Variants in DNAJC15 observed in about 807,000 individuals in gnomAD.
DNAJC15 encodes dnaJ homolog subfamily C member 15.
A neutral mutation model predicts 22.4 loss-of-function variants in DNAJC15; 27 were observed. The observed-to-expected ratio is 1.20, with a 90% CI of 0.89 to 1.66. The LOEUF (loss-of-function observed/expected upper bound fraction) is 1.66, where lower values mean the gene tolerates loss of function less well. Among genes scored for constraint, DNAJC15 ranks in the 40% most tolerant of loss-of-function variants. DNAJC15 has a pLI of 0.00. For missense variants in DNAJC15, 208 were observed against 187.1 expected (o/e 1.11, Z -0.65); for synonymous variants, 79 against 63.2 (o/e 1.25, Z -1.19).
At chr13:43,047,664 T>A (rs922680992) in intron 1 of DNAJC15, among the ~76,000 whole-genome samples, 4 of 152,184 alleles carry the variant, frequency 2.6e-5, no homozygotes, top group African/African-American at 9.6e-5. Context: ...AATGTTGAAT[T>A]GGAGCCCAGG....
At chr13:43,057,312 T>G (rs1361597825) in intron 1 of DNAJC15, among the ~76,000 whole-genome samples, 4 of 152,170 alleles carry the variant, frequency 2.6e-5, no homozygotes, top group Non-Finnish European at 5.9e-5. Context: ...TTAAATTCTT[T>G]TTTGTCTTTG....
intron 3 of DNAJC15, among the ~76,000 whole-genome samples, chr13:43,073,346 C>A (rs1039757546): frequency 6.6e-6 from 1 of 152,186 alleles, no homozygotes; most frequent in African/African-American, 2.4e-5. Context: ...TACTCCTTGG[C>A]ATAGCTTCTC....
At chr13:43,083,190 C>T (rs779567336) in intron 4 of DNAJC15, among the ~76,000 whole-genome samples, 6 of 151,112 alleles carry the variant, frequency 4.0e-5, no homozygotes, top group African/African-American at 7.3e-5. Context: ...TTTTTTGAGA[C>T]GGAGTCTTGC....
At chr13:43,101,220 G>A (rs1206953430) in intron 5 of DNAJC15, among the ~76,000 whole-genome samples, 1 of 152,166 alleles carries the variant, frequency 6.6e-6, no homozygotes, top group East Asian at 1.9e-4. Context: ...TAGAAACAGG[G>A]TCTTGCTATA....
chr13:43,069,757 CGCTATTCT>C (rs1183950072), intron 3 of DNAJC15, among the ~76,000 whole-genome samples: 1 of 152,014 alleles, frequency 6.6e-6, no homozygotes, highest in East Asian at 1.9e-4. Flanking sequence ...GTTGATCATC[CGCTATTCT>C]GCTATTCTGA....
chr13:43,107,002 A>G (rs1384092783), intron 5 of DNAJC15, among the ~76,000 whole-genome samples, 176 bp from the exon 6 acceptor site: 1 of 151,922 alleles, frequency 6.6e-6, no homozygotes, highest in Non-Finnish European at 1.5e-5. Context: ...TAGTTGTAGG[A>G]CTTCACTAAT....
At chr13:43,091,514 A>G (rs992507775) in intron 5 of DNAJC15, among the ~76,000 whole-genome samples, 1 of 152,200 alleles carries the variant, frequency 6.6e-6, no homozygotes, top group Non-Finnish European at 1.5e-5. Context: ...ATTGTTACAA[A>G]TGGGTTCATA....
intron 1 of DNAJC15, among the ~76,000 whole-genome samples, chr13:43,029,175 G>C (rs952716966): frequency 3.3e-5 from 5 of 152,138 alleles, no homozygotes; most frequent in Non-Finnish European, 5.9e-5. Flanking sequence ...TGTCTCTCTT[G>C]CTCACTGCTT....
intron 5 of DNAJC15, among the ~76,000 whole-genome samples, chr13:43,102,530 C>CT (rs1298991303): frequency 1.3e-5 from 2 of 152,132 alleles, no homozygotes; most frequent in Non-Finnish European, 2.9e-5. Flanking sequence ...AATCCCAGCA[C>CT]TTTGGGGGGA....
At chr13:43,075,917 T>G (rs1028404917) in intron 3 of DNAJC15, among the ~76,000 whole-genome samples, 6 of 152,220 alleles carry the variant, frequency 3.9e-5, no homozygotes. Context: ...CGCCTCAGCC[T>G]CGCAAAGTGC....
intron 2 of DNAJC15, 54 bp downstream of exon 2, chr13:43,065,791 A>T (rs2040580780): frequency 2.0e-6 from 3 of 1,516,626 alleles, no homozygotes; most frequent in Admixed American, 3.3e-5. Flanking sequence ...TCCAAATAGC[A>T]TCTACAGTGA....
chr13:43,085,718 A>T, intron 4 of DNAJC15, 50 bp from the exon 5 acceptor site: 1 of 1,502,726 alleles, frequency 6.7e-7, no homozygotes, highest in Non-Finnish European at 9.1e-7. Context: ...CTTAATTTAT[A>T]ATCTGCATTT....
intron 2 of DNAJC15, 59 bp downstream of exon 2, chr13:43,065,796 C>T (rs2040580822): frequency 6.7e-7 from 1 of 1,498,152 alleles, no homozygotes; most frequent in Admixed American, 1.7e-5. Context: ...ATAGCATCTA[C>T]AGTGATTCAT....
Position 43,023,638 on chromosome 13 carries a change from T to A in DNAJC15, c.12T>A (p.Arg4=), listed in dbSNP as rs1441935423. ...CGGGCCGCCTTGCCATGGCTGCCCGTGGTGTCATCGCTCCAGTTGGCGAGA... is the reference window on the plus strand; with the variant it reads ...CGGGCCGCCTTGCCATGGCTGCCCGAGGTGTCATCGCTCCAGTTGGCGAGA... MAA[R]GVIAPVGESL... The change falls in exon 1 of 6, where the codon CGT becomes CGA. Residue 4 remains arginine, a synonymous_variant. Transcript: ENST00000379221. 1 of 1,611,310 alleles carries A rather than the reference T, an allele frequency of 6.2e-7. No individual in the cohort carries two copies. Among genetic ancestry groups the A allele is most frequent in the Non-Finnish European group, 8.5e-7 (1 of 1,178,968 alleles).
intron 1 of DNAJC15, among the ~76,000 whole-genome samples, chr13:43,053,850 C>A (rs2040517125): frequency 6.7e-6 from 1 of 150,208 alleles, no homozygotes; most frequent in Non-Finnish European, 1.5e-5. Flanking sequence ...ACAATCATAT[C>A]TTCAGCAAAT....
chr13:43,107,460 TTTC>T lies in DNAJC15; in HGVS notation c.*215_*217del, dbSNP rs1444576314. ...TCCTTAAATTCTATAACTGATCTTT[TTTC>T]TTATTTTGTTTGTGACATTCATACA... is the stretch of plus-strand genomic sequence containing the variant. On this transcript the variant is annotated 3_prime_UTR_variant, in exon 6 of 6. Coordinates refer to ENST00000379221, the MANE Select transcript of DNAJC15 (RefSeq NM_013238.3). 3.1e-5 allele frequency: 11 copies of T among 350,090 alleles called. No homozygotes were observed. The highest frequency in any genetic ancestry group is 5.1e-5 in the Non-Finnish European group (10 of 197,158). The allele number at this position is 350,090 out of a possible 1,614,324, so 21.7% of individuals were successfully genotyped here. A position where few individuals can be genotyped will look rare whatever the true frequency, so the allele number is the denominator to read the frequency against.
At chr13:43,085,628 G>A (rs948359842) in intron 4 of DNAJC15, 140 bp from the exon 5 acceptor site, 1 of 613,338 alleles carries the variant, frequency 1.6e-6, no homozygotes, top group Non-Finnish European at 2.8e-6. Flanking sequence ...GTGGAATTAA[G>A]TGGAAAGCTG....
At chr13:43,094,753 A>G (rs780706802) in intron 5 of DNAJC15, among the ~76,000 whole-genome samples, 23 of 152,126 alleles carry the variant, frequency 1.5e-4, no homozygotes, top group Non-Finnish European at 2.4e-4. Context: ...TTGAGTCTAC[A>G]ATTTTTGTCT....
intron 4 of DNAJC15, among the ~76,000 whole-genome samples, chr13:43,083,333 A>G (rs1174404751): frequency 1.3e-5 from 2 of 151,892 alleles, no homozygotes; most frequent in African/African-American, 4.8e-5. Flanking sequence ...ACGCCTGGCT[A>G]ATTTTTTGTA....
Sources: gnomAD v4.1 joint callset for allele counts (sites outside exome capture counted in the v4.1 genomes callset) on GRCh38, gnomAD v4.1.1 for gene constraint, MANE v1.5 for transcripts, NCBI Gene and HGNC (gene_info 2026-07-23, HGNC 2026-07-21) for gene names.